The following NIN variants were observed in gnomAD, a reference collection of about 807,000 sequenced individuals.
NIN encodes the protein ninein.
Under a neutral mutation model 257.6 loss-of-function variants are expected in NIN, and 137 were observed. The observed-to-expected ratio is 0.53, with a 90% CI of 0.46 to 0.61. NIN has a LOEUF of 0.61. Ranked by LOEUF, NIN falls within the 20% of genes least tolerant of loss-of-function variation. The pLI is 0.00. For missense variants in NIN, 2,439 were observed against 2,501.2 expected (o/e 0.98, Z 0.53); for synonymous variants, 918 against 919.8 (o/e 1.00, Z 0.04).
At chr14:50,750,482 G>C (rs2140678916) in intron 21 of NIN, among the ~76,000 whole-genome samples, 1 of 152,268 alleles carries the variant, frequency 6.6e-6, no homozygotes, top group East Asian at 1.9e-4. Context: ...TTCAATTCTA[G>C]TAAGACATAT....
At chr14:50,765,419 T>G (rs565508413) in intron 14 of NIN, among the ~76,000 whole-genome samples, 1 of 152,234 alleles carries the variant, frequency 6.6e-6, no homozygotes, top group Admixed American at 6.5e-5. Context: ...CATGTATGTA[T>G]ATTTCCTGAA....
Position 50,741,606 on chromosome 14 carries a change from C to T in NIN, c.5424G>A (p.Lys1808=), listed in dbSNP as rs1338817733. ...ALKQEVMSLH[K]QLQNAGGKSW... is the part of the protein sequence containing the mutation. The stretch of plus-strand genomic sequence containing the variant: ...CCTTGCCACCAGCATTCTGAAGTTG[C>T]TTATGTAAAGACATCACTTCTTGTT... The change falls in exon 25 of 31, where the codon AAG becomes AAA. Residue 1808 remains lysine, a synonymous_variant. Coordinates refer to ENST00000530997, the MANE Select transcript of NIN (RefSeq NM_020921.4). 1.9e-6 allele frequency: 3 copies of T among 1,613,886 alleles called. No homozygotes were observed. Among genetic ancestry groups the T allele is most frequent in the South Asian group, 2.2e-5 (2 of 91,070 alleles).
chr14:50,830,656 G>A (rs1455388390), intron 1 of NIN, 139 bp from the exon 2 acceptor site: 4 of 166,490 alleles, frequency 2.4e-5, no homozygotes, highest in African/African-American at 7.2e-5. Context: ...ATATGTAAGG[G>A]GCCAGCTCTT....
chr14:50,764,612 A>G (rs2042401436), intron 14 of NIN, among the ~76,000 whole-genome samples: 1 of 152,220 alleles, frequency 6.6e-6, no homozygotes, highest in Non-Finnish European at 1.5e-5. Context: ...AAAATGTGGT[A>G]TATCTACGCA....
chr14:50,771,119 A>G, intron 10 of NIN, 127 bp from the exon 11 acceptor site: 1 of 1,236,208 alleles, frequency 8.1e-7, no homozygotes, highest in East Asian at 2.4e-5. Context: ...CTCCCAAAGC[A>G]AAAAGGCACT....
chr14:50,750,666 C>A (rs747037981), intron 21 of NIN, among the ~76,000 whole-genome samples: 1 of 152,146 alleles, frequency 6.6e-6, no homozygotes, highest in Non-Finnish European at 1.5e-5. Flanking sequence ...GGTTATATTA[C>A]CCATTTATAA....
chr14:50,721,350 C>A lies in NIN; in HGVS notation c.*2113G>T, dbSNP rs559712698. On this transcript the variant is annotated 3_prime_UTR_variant, in exon 31 of 31. Transcript: ENST00000530997. ...TAAATACAAATTTATAGGAAATAAA[C>A]AAATTAACCTACACCTCTCATACTG... 13 of 208,610 alleles carry A rather than the reference C, an allele frequency of 6.2e-5. No individual in the cohort carries two copies. Among genetic ancestry groups the A allele is most frequent in the Non-Finnish European group, 1.3e-4 (13 of 102,646 alleles). The allele number at this position is 208,610 out of a possible 1,614,324, so 12.9% of individuals were successfully genotyped here.
At position 50,720,889 on chromosome 14, in the gene NIN, T is replaced by A. The variant is rs1420235550; in HGVS notation, c.*2574A>T. 1 of 198,036 alleles carries A rather than the reference T, an allele frequency of 5.0e-6. No homozygotes were observed. Among genetic ancestry groups the A allele is most frequent in the Non-Finnish European group, 1.0e-5 (1 of 95,776 alleles). 12.3% of individuals were successfully genotyped at this position (198,036 alleles called of 1,614,324 possible). ...ATCTTCTGAGACGATCTTAAATAAT[T>A]GTTCTTAAATCAAAAAGTTTGAAAA... On this transcript the variant is annotated 3_prime_UTR_variant, in exon 31 of 31. Coordinates refer to ENST00000530997, the MANE Select transcript of NIN (RefSeq NM_020921.4).
At chr14:50,741,870 A>C in intron 24 of NIN, 142 bp from the exon 25 acceptor site, 4 of 804,636 alleles carry the variant, frequency 5.0e-6, no homozygotes, top group Non-Finnish European at 5.9e-6. Context: ...TCAGTAGCTC[A>C]GTGGAAACCT....
At chr14:50,760,626 A>G (rs1377488524) in intron 16 of NIN, among the ~76,000 whole-genome samples, 2 of 152,080 alleles carry the variant, frequency 1.3e-5, no homozygotes, top group East Asian at 3.8e-4. Flanking sequence ...ACACATAGCT[A>G]CCCTCTGTCT....
chr14:50,772,260 C>T (rs2042765704), intron 9 of NIN, 41 bp downstream of exon 9: 2 of 1,539,004 alleles, frequency 1.3e-6, no homozygotes, highest in South Asian at 1.2e-5. Context: ...ATTTTCAACC[C>T]TTCTCCAGTT....
intron 5 of NIN, among the ~76,000 whole-genome samples, chr14:50,786,360 G>T (rs1207113493): frequency 1.5e-5 from 2 of 129,320 alleles, no homozygotes; most frequent in Non-Finnish European, 3.2e-5. Context: ...CTAGTTAGAA[G>T]ATAAATATTA....
intron 18 of NIN, among the ~76,000 whole-genome samples, chr14:50,755,437 A>G (rs1303104063): frequency 6.6e-6 from 1 of 151,404 alleles, no homozygotes; most frequent in Non-Finnish European, 1.5e-5. Flanking sequence ...TTTCAGAGAC[A>G]TTTCAGACGT....
intron 1 of NIN, 97 bp downstream of exon 1, chr14:50,830,908 TC>T (rs2142643019): frequency 6.6e-6 from 1 of 151,272 alleles, no homozygotes; most frequent in South Asian, 2.1e-4. Context: ...CCCAGTTCGC[TC>T]CGGGCTCTCA....
chr14:50,794,958 G>C (rs1039276717), intron 4 of NIN, among the ~76,000 whole-genome samples: 1 of 152,176 alleles, frequency 6.6e-6, no homozygotes, highest in Non-Finnish European at 1.5e-5. Context: ...AACAGATTGT[G>C]AGCCAGCAGG....
intron 3 of NIN, among the ~76,000 whole-genome samples, chr14:50,817,211 A>C (rs2044944562): frequency 6.6e-6 from 1 of 152,226 alleles, no homozygotes. Context: ...GAGTTATATT[A>C]TGACAACCCC....
intron 25 of NIN, among the ~76,000 whole-genome samples, chr14:50,740,579 A>G (rs1595734387): frequency 6.6e-6 from 1 of 151,762 alleles, no homozygotes; most frequent in Non-Finnish European, 1.5e-5. Flanking sequence ...TGAAGTCCTG[A>G]CCTCGTGATC....
chr14:50,801,900 A>G (rs1242693143), intron 4 of NIN, among the ~76,000 whole-genome samples: 1 of 152,226 alleles, frequency 6.6e-6, no homozygotes, highest in Non-Finnish European at 1.5e-5. Context: ...AATGAATCAC[A>G]TCAAGGAAGA....
intron 14 of NIN, among the ~76,000 whole-genome samples, chr14:50,765,063 T>TTAAAA (rs1387203575): frequency 1.2e-5 from 1 of 82,070 alleles, no homozygotes; most frequent in African/African-American, 4.7e-5. Flanking sequence ...TGTCTCTACT[T>TTAAAA]AAAAAAAAAA....
Sources: allele counts gnomAD v4.1 joint callset (sites outside exome capture counted in the v4.1 genomes callset), GRCh38; gene constraint gnomAD v4.1.1; transcripts MANE v1.5; gene names NCBI Gene and HGNC (gene_info 2026-07-23, HGNC 2026-07-21).